GRK1: variants seen among roughly 807,000 people sequenced by gnomAD.
GRK1 encodes rhodopsin kinase GRK1.
GRK1 carries 28 observed loss-of-function variants against 41.7 expected under a neutral mutation model. That is an observed-to-expected ratio of 0.67 (90% CI 0.50 to 0.92). GRK1 has a LOEUF of 0.92. GRK1 is among the 40% of genes least tolerant of loss of function. The pLI, the probability that GRK1 is intolerant of heterozygous loss-of-function variation, is 0.00. For synonymous variants in GRK1, 327 were observed against 286.7 expected, an observed-to-expected ratio of 1.14 and a Z score of -1.42; for missense variants, 703 against 671.2, an observed-to-expected ratio of 1.05 and a Z score of -0.52.
In GRK1 at chr13:113,667,514, C is replaced by G; in HGVS notation, c.128C>G (p.Pro43Arg). Reference sequence around the variant, plus strand: ...TACCTGGCCAAGCTCAAGCTGCCCCCGCTGTCCAAGTGTGAGTCCCTCCGC... The same window carrying G: ...TACCTGGCCAAGCTCAAGCTGCCCCGGCTGTCCAAGTGTGAGTCCCTCCGC... ...KKYLAKLKLP[P>R]LSKCESLRDS... Residue 43 changes from proline (P) to arginine (R), a missense_variant, in exon 1 of 7, where the codon CCG becomes CGG. Pro to Arg is a moderately radical substitution (Grantham distance 103). Transcript: ENST00000335678. The surrounding 1 kb of genome is among the most constrained non-coding windows in gnomAD (Gnocchi z 7.5). 6.2e-7 allele frequency: 1 copy of G among 1,613,106 alleles called. No individual in the cohort carries two copies. Among genetic ancestry groups the G allele is most frequent in the Non-Finnish European group, 8.5e-7 (1 of 1,179,760 alleles).
chr13:113,670,735 C>T (rs1435337872), intron 2 of GRK1, among the ~76,000 whole-genome samples: 2 of 113,516 alleles, frequency 1.8e-5, no homozygotes, highest in South Asian at 3.2e-4. Context: ...GGGGAGGGGG[C>T]GCTGGGAAAC....
the GRK1 span, among the ~76,000 whole-genome samples, chr13:113,659,405 C>T: frequency 6.6e-6 from 1 of 152,128 alleles, no homozygotes; most frequent in African/African-American, 2.4e-5. Context: ...AACTCTAGGC[C>T]GTCCCTCTCA....
chr13:113,733,686 T>G (rs1428829783), intron 6 of GRK1, among the ~76,000 whole-genome samples: 1 of 143,022 alleles, frequency 7.0e-6, no homozygotes, highest in African/African-American at 2.7e-5. Flanking sequence ...TGTGCATGTA[T>G]GTGTGCATAC....
chr13:113,668,323 C>T (rs895649277), intron 1 of GRK1, among the ~76,000 whole-genome samples: 1 of 152,216 alleles, frequency 6.6e-6, no homozygotes, highest in African/African-American at 2.4e-5. Flanking sequence ...TGGGTGGGGA[C>T]GTGCCACGTT....
the GRK1 span, chr13:113,654,740 C>G: frequency 2.0e-6 from 3 of 1,534,358 alleles, no homozygotes; most frequent in Non-Finnish European, 2.6e-6. Flanking sequence ...ACGGGTCCCC[C>G]GGGCGTCTCC....
chr13:113,724,380 G>A (rs948463956), intron 4 of GRK1, among the ~76,000 whole-genome samples: 22 of 152,228 alleles, frequency 1.4e-4, no homozygotes, highest in South Asian at 4.1e-4. Context: ...TCCAGAGAAT[G>A]TCGCTTCCCC....
In GRK1 at chr13:113,667,356, C is replaced by G; in HGVS notation, c.-31C>G. On this transcript the variant is annotated 5_prime_UTR_variant, in exon 1 of 7. Coordinates refer to ENST00000335678, the MANE Select transcript of GRK1 (RefSeq NM_002929.3). The surrounding 1 kb of genome is among the most constrained non-coding windows in gnomAD (Gnocchi z 7.5). ...CCGGCTTGGCCTCGGCTGATGGGCC[C>G]TCACGCCTGAAGCGGGCAGGAAGCT... 3 of 1,508,228 alleles carry G rather than the reference C, an allele frequency of 2.0e-6. No individual in the cohort carries two copies. In the South Asian group the frequency reaches 4.1e-5, roughly 20 times the overall value. 93.4% of individuals were successfully genotyped at this position (1,508,228 alleles called of 1,614,324 possible). A position where few individuals can be genotyped will look rare whatever the true frequency, so the allele number is the denominator to read the frequency against.
intron 6 of GRK1, 142 bp downstream of exon 6, chr13:113,733,227 C>T: frequency 1.4e-6 from 1 of 732,522 alleles, no homozygotes; most frequent in East Asian, 2.7e-5. Flanking sequence ...CCAGCAAGGC[C>T]CCCAGTCCTC....
chr13:113,667,801 G>C lies in GRK1; in HGVS notation c.415G>C (p.Val139Leu). ...AGTGGCGAAGTTTAAGGAGGGGCCT[G>C]TGGAGATCCAGGACGGGCTCTTCCA... ...GIVAKFKEGP[V>L]EIQDGLFQPL... Residue 139 changes from valine (V) to leucine (L), a missense_variant, in exon 1 of 7, where the codon GTG becomes CTG. By Grantham distance (32) the Val-to-Leu change is conservative (BLOSUM62 1). Transcript: ENST00000335678. The surrounding 1 kb of genome is among the most constrained non-coding windows in gnomAD (Gnocchi z 7.5). The C allele has an allele frequency of 6.2e-7, 1 of 1,607,538 alleles. No homozygotes were observed. The highest frequency in any genetic ancestry group is 2.2e-5 in the East Asian group (1 of 44,684).
the GRK1 span, among the ~76,000 whole-genome samples, chr13:113,648,464 G>C: frequency 2.6e-5 from 4 of 152,300 alleles, no homozygotes; most frequent in African/African-American, 9.6e-5. Context: ...GACGCCCGTG[G>C]CCTTGCATGA....
chr13:113,665,575 G>GTGTGTCTCAGATGTGCCCCAGC (rs2049812359), upstream of GRK1, among the ~76,000 whole-genome samples: 1 of 148,942 alleles, frequency 6.7e-6, no homozygotes, highest in Non-Finnish European at 1.5e-5. Context: ...TGCATCCCAG[G>GTGTGTCTCAGATGTGCCCCAGC]TGTGTCTCAG....
chr13:113,650,597 G>A, the GRK1 span: 46 of 968,260 alleles, frequency 4.8e-5, no homozygotes, highest in African/African-American at 5.0e-4. This position sits in a 1 kb window ranked among gnomAD's most constrained non-coding sequence, Gnocchi z 5.0. Context: ...GTGCACACAC[G>A]CGCTGTGTAG....
At chr13:113,658,307 A>G in the GRK1 span, 10 of 666,358 alleles carry the variant, frequency 1.5e-5, no homozygotes, top group Non-Finnish European at 2.5e-5. Context: ...AGCGCCGGCC[A>G]TCGCCTCACC....
At chr13:113,653,243 C>G in the GRK1 span, 1 of 1,460,980 alleles carries the variant, frequency 6.8e-7, no homozygotes, top group African/African-American at 1.4e-5. Context: ...CCACCCGCCG[C>G]TTCACACCTC....
In GRK1 at chr13:113,671,477, G is replaced by GT. The variant is rs2049856336; in HGVS notation, c.828-20dup. Reference sequence around the variant, plus strand: ...CTCCCCATTAAACCCGGGGTGCATGGTTCCCACGTGTCTTCCCCCAGGTAC... The same window carrying GT: ...CTCCCCATTAAACCCGGGGTGCATGGTTTCCCACGTGTCTTCCCCCAGGTAC... On this transcript the variant is annotated intron_variant, in intron 2 of 6. Coordinates refer to ENST00000335678, the MANE Select transcript of GRK1 (RefSeq NM_002929.3). The surrounding 1 kb of genome is among the most constrained non-coding windows in gnomAD (Gnocchi z 4.1). 1.3e-6 allele frequency: 1 copy of GT among 778,018 alleles called. No homozygotes were observed. The highest frequency in any genetic ancestry group is 1.7e-5 in the African/African-American group (1 of 59,128). 48.2% of individuals were successfully genotyped at this position (778,018 alleles called of 1,614,324 possible).
the GRK1 span, chr13:113,652,548 A>G: frequency 2.4e-6 from 1 of 417,690 alleles, no homozygotes; most frequent in Non-Finnish European, 4.5e-6. Flanking sequence ...TCCTGACTCC[A>G]GAACTTGAGG....
At chr13:113,728,682 C>T (rs1017574076) in intron 4 of GRK1, among the ~76,000 whole-genome samples, 1 of 152,166 alleles carries the variant, frequency 6.6e-6, no homozygotes, top group East Asian at 1.9e-4. Flanking sequence ...GGCTGGACCA[C>T]GGAAGTGCCT....
the GRK1 span, among the ~76,000 whole-genome samples, chr13:113,658,444 G>C: frequency 6.6e-6 from 1 of 152,242 alleles, no homozygotes; most frequent in Non-Finnish European, 1.5e-5. Flanking sequence ...GTGAGGGCAC[G>C]TTCCGGGGTG....
At chr13:113,734,938 C>A in intron 6 of GRK1, 130 bp from the exon 7 acceptor site, 1 of 918,508 alleles carries the variant, frequency 1.1e-6, no homozygotes. Context: ...GCCTCCACGA[C>A]ACTTCCCTAA....
Sources: gnomAD v4.1 joint callset for allele counts (sites outside exome capture counted in the v4.1 genomes callset) on GRCh38, gnomAD v4.1.1 for gene constraint, Gnocchi (gnomAD v3.1) non-coding constraint, MANE v1.5 for transcripts, NCBI Gene and HGNC (gene_info 2026-07-23, HGNC 2026-07-21) for gene names.